The following ZFHX3 variants were observed in gnomAD, a reference collection of about 807,000 sequenced individuals.
ZFHX3 encodes the protein zinc finger homeobox protein 3.
A neutral mutation model predicts 279.1 loss-of-function variants in ZFHX3; 42 were observed. That is an observed-to-expected ratio of 0.15 (90% CI 0.12 to 0.19). The LOEUF is 0.19. Ranked by LOEUF, ZFHX3 falls within the 10% of genes least tolerant of loss-of-function variation. ZFHX3 has a pLI of 1.00. For synonymous variants in ZFHX3, 2,293 were observed against 1,957.8 expected (o/e 1.17, Z -4.52); for missense variants, 4,981 against 4,754.0 (o/e 1.05, Z -1.40).
rs537521813 is a variant in ZFHX3 at position 72,873,380 on chromosome 16, G to T, written c.3448+16351C>A. Among the ~76,000 whole-genome samples, 3 of 152,278 alleles carry T rather than the reference G, an allele frequency of 2.0e-5. No homozygotes were observed. In the South Asian group the frequency reaches 6.2e-4, roughly 32 times the overall value. ...AAATGTTTCTGCTGCACATTTAGAG[G>T]CCCCAGAATACAAATTTGCATTTGC... On this transcript the variant is annotated intron_variant, in intron 4 of 9. Transcript: ENST00000268489.
At chr16:73,303,310 G>A (rs917521984) in intron 4 of ZFHX3, among the ~76,000 whole-genome samples, 1 of 152,148 alleles carries the variant, frequency 6.6e-6, no homozygotes, top group Non-Finnish European at 1.5e-5. Context: ...TTACAGGTAT[G>A]AGCCATTATG....
chr16:73,384,293 A>G (rs1369798619), intron 3 of ZFHX3, among the ~76,000 whole-genome samples: 1 of 152,322 alleles, frequency 6.6e-6, no homozygotes, highest in East Asian at 1.9e-4. Context: ...AGTAGTTACA[A>G]CGAGATCATA....
At chr16:73,692,149 G>A (rs761954759) in intron 1 of ZFHX3, among the ~76,000 whole-genome samples, 6 of 152,076 alleles carry the variant, frequency 3.9e-5, no homozygotes, top group South Asian at 2.1e-4. Flanking sequence ...TTCAAGAAGC[G>A]GACCTTAATT....
chr16:73,386,191 A>C (rs7188034), intron 3 of ZFHX3, among the ~76,000 whole-genome samples: 71,553 of 151,434 alleles, frequency 0.47, 17,340 homozygotes, highest in Non-Finnish European at 0.51. Context: ...TTTCTCTCCC[A>C]CCGTCTCTGT....
intron 1 of ZFHX3, among the ~76,000 whole-genome samples, chr16:73,779,567 A>C (rs541936456): frequency 6.6e-6 from 1 of 152,182 alleles, no homozygotes; most frequent in Non-Finnish European, 1.5e-5. Flanking sequence ...TTTAAGACCC[A>C]CAAAGATAGA....
intron 5 of ZFHX3, among the ~76,000 whole-genome samples, chr16:72,818,465 C>G (rs2036680085): frequency 6.6e-6 from 1 of 152,196 alleles, no homozygotes; most frequent in African/African-American, 2.4e-5. Flanking sequence ...AATTTTCTTC[C>G]TCCCCCCAAT....
intron 4 of ZFHX3, among the ~76,000 whole-genome samples, chr16:73,285,869 G>A (rs1026354982): frequency 3.9e-5 from 6 of 152,118 alleles, no homozygotes; most frequent in African/African-American, 1.4e-4. Flanking sequence ...ACACGCTTCC[G>A]CACAACACCA....
At position 73,788,867 on chromosome 16, in the gene ZFHX3, G is replaced by A. The variant is rs182494668; in HGVS notation, c.-1608+102784C>T. ...CACGTGCCTGTAGTCCCAGCTACTC[G>A]GGAGGCTGAGGCAGGAGATCCGCCC... is the stretch of plus-strand genomic sequence containing the variant. On this transcript the variant is annotated intron_variant, in intron 1 of 17. Coordinates refer to the ZFHX3 transcript ENST00000641206. Among the ~76,000 whole-genome samples the A allele has an allele frequency of 7.2e-3, 1,092 of 151,546 alleles. 12 individuals are homozygous for A. Among genetic ancestry groups the A allele is most frequent in the African/African-American group, 0.023 (948 of 41,418 alleles).
chr16:73,142,217 T>C (rs547150507), intron 6 of ZFHX3, among the ~76,000 whole-genome samples: 1 of 152,340 alleles, frequency 6.6e-6, no homozygotes, highest in African/African-American at 2.4e-5. Flanking sequence ...ATGATGACCT[T>C]GTGCCTCTGG....
intron 1 of ZFHX3, among the ~76,000 whole-genome samples, chr16:73,682,971 AAAG>A (rs1355153001): frequency 0.037 from 1,109 of 29,826 alleles, 83 homozygotes; most frequent in Non-Finnish European, 0.043. Flanking sequence ...AGAAAGAAAG[AAAG>A]AAAGAAAGAA....
At chr16:72,916,451 C>T (rs2039445167) in intron 3 of ZFHX3, among the ~76,000 whole-genome samples, 1 of 152,218 alleles carries the variant, frequency 6.6e-6, no homozygotes, top group African/African-American at 2.4e-5. Flanking sequence ...TGGACCTCTC[C>T]TGTCCAGCGT....
chr16:72,787,725 G>C lies in ZFHX3; in HGVS notation c.10551C>G (p.Gly3517=), dbSNP rs761806803. ...CGCCGCCGCCGCCGCCGCCACCGCC[G>C]CCGCCGCCGCCACTGCCACCGCCGC... ...GGGGGGSGGG[G]GGGGGGGGGG... The change falls in exon 10 of 10, where the codon GGC becomes GGG. Residue 3517 remains glycine (G), a synonymous_variant. Coordinates refer to ENST00000268489, the MANE Select transcript of ZFHX3 (RefSeq NM_006885.4). 3 of 1,379,446 alleles carry C rather than the reference G, an allele frequency of 2.2e-6. 1 individual carries two copies. Among genetic ancestry groups the C allele is most frequent in the Non-Finnish European group, 2.8e-6 (3 of 1,067,370 alleles). 85.5% of individuals were successfully genotyped at this position (1,379,446 alleles called of 1,614,324 possible). A position where few individuals can be genotyped will look rare whatever the true frequency, so the allele number is the denominator to read the frequency against.
chr16:72,979,466 G>C (rs891799978), intron 1 of ZFHX3, among the ~76,000 whole-genome samples: 5 of 152,064 alleles, frequency 3.3e-5, no homozygotes, highest in African/African-American at 4.8e-5. Flanking sequence ...GAAGAACCAG[G>C]GCACAGTCCG....
intron 3 of ZFHX3, among the ~76,000 whole-genome samples, chr16:72,936,181 C>T (rs1300232833): frequency 2.6e-5 from 4 of 152,204 alleles, no homozygotes; most frequent in Non-Finnish European, 4.4e-5. Flanking sequence ...ACAAGCCATC[C>T]ACTTTACACC....
chr16:73,232,359 A>C (rs1469835671), intron 5 of ZFHX3: 1 of 152,214 alleles, frequency 6.6e-6, no homozygotes, highest in Non-Finnish European at 1.5e-5. Context: ...TCCAGCTTGC[A>C]GAGGTAGCAG....
At chr16:73,545,964 A>G (rs1230679891) in intron 2 of ZFHX3, among the ~76,000 whole-genome samples, 1 of 152,122 alleles carries the variant, frequency 6.6e-6, no homozygotes, top group Non-Finnish European at 1.5e-5. Context: ...ACGGCTTCCT[A>G]TTCACCTTAA....
chr16:73,603,501 G>A (rs1013615044), intron 2 of ZFHX3, among the ~76,000 whole-genome samples: 1 of 152,040 alleles, frequency 6.6e-6, no homozygotes, highest in African/African-American at 2.4e-5. Context: ...TTGGTGAGAC[G>A]TGCTCCCATA....
intron 1 of ZFHX3, among the ~76,000 whole-genome samples, chr16:73,838,209 G>C (rs1961195228): frequency 6.6e-6 from 1 of 152,206 alleles, no homozygotes; most frequent in South Asian, 2.1e-4. Context: ...TCTTCTGTTA[G>C]GACTTACATG....
chr16:72,843,601 T>A (rs2037403349), intron 4 of ZFHX3, among the ~76,000 whole-genome samples: 1 of 149,336 alleles, frequency 6.7e-6, no homozygotes, highest in African/African-American at 2.5e-5. Context: ...ATCAGCTGTG[T>A]AGGGAAGAAG....
Sources: gnomAD v4.1 joint callset for allele counts (sites outside exome capture counted in the v4.1 genomes callset) on GRCh38, gnomAD v4.1.1 for gene constraint, MANE v1.5 for transcripts, NCBI Gene and HGNC (gene_info 2026-07-23, HGNC 2026-07-21) for gene names.